Variants in COA5 observed in about 807,000 individuals in gnomAD.
COA5 encodes protein C2orf64.
COA5 carries 11 observed loss-of-function variants against 11.8 expected under a neutral mutation model. The ratio of observed to expected loss-of-function variants is 0.93; its 90% CI spans 0.59 to 1.54. The LOEUF (loss-of-function observed/expected upper bound fraction) is 1.54, where lower values mean the gene tolerates loss of function less well. COA5 is among the 40% of genes most tolerant of loss of function. The pLI, the probability that COA5 is intolerant of heterozygous loss-of-function variation, is 0.00. For missense variants in COA5, 87 were observed against 89.2 expected (o/e 0.97, Z 0.10); for synonymous variants, 38 against 37.5 (o/e 1.01, Z -0.05).
intron 1 of COA5, 122 bp from the exon 2 acceptor site, chr2:98,604,313 T>A: frequency 1.3e-6 from 1 of 783,672 alleles, no homozygotes; most frequent in Non-Finnish European, 2.2e-6. Flanking sequence ...GAAAGTTATG[T>A]AGGAAATAGT....
chr2:98,600,760 C>G lies in COA5; in HGVS notation c.217G>C (p.Gly73Arg). ...GGCTTCAACATAATGCATCAATATC[C>G]TTTTCTTCCTCTGAATCTTGCCCTG... ...DNRARFRGRKGY is the reference protein window; with the variant it reads ...DNRARFRGRKRY The change falls in exon 3 of 3, where the codon GGA becomes CGA. Residue 73 changes from glycine to arginine, a missense_variant. Coordinates refer to ENST00000328709, the MANE Select transcript of COA5 (RefSeq NM_001008215.3). 6.2e-7 allele frequency: 1 copy of G among 1,609,446 alleles called. No homozygotes were observed. The highest frequency in any genetic ancestry group is 8.5e-7 in the Non-Finnish European group (1 of 1,176,426).
chr2:98,603,107 G>A (rs1700664355), intron 2 of COA5, among the ~76,000 whole-genome samples: 1 of 152,198 alleles, frequency 6.6e-6, no homozygotes, highest in African/African-American at 2.4e-5. Context: ...ACCACTTGCA[G>A]GTCGTAAGTA....
rs1485218169 is a variant in COA5, at chr2:98,600,148, A to T, written c.*604T>A. ...GAAAATGTAACCAGGAAACAAAAAC[A>T]GTCCGAAGATGATGGTAAAGAGCCT... is the stretch of plus-strand genomic sequence containing the variant. On this transcript the variant is annotated 3_prime_UTR_variant, in exon 3 of 3. Coordinates refer to ENST00000328709, the MANE Select transcript of COA5 (RefSeq NM_001008215.3). 6.5e-6 allele frequency: 1 copy of T among 153,820 alleles called. No homozygotes were observed. Among genetic ancestry groups the T allele is most frequent in the African/African-American group, 2.4e-5 (1 of 41,484 alleles). 9.5% of individuals were successfully genotyped at this position (153,820 alleles called of 1,614,324 possible). A position where few individuals can be genotyped will look rare whatever the true frequency, so the allele number is the denominator to read the frequency against.
At chr2:98,607,644 G>C (rs1282373517) in intron 1 of COA5, among the ~76,000 whole-genome samples, 2 of 152,188 alleles carry the variant, frequency 1.3e-5, no homozygotes, top group Non-Finnish European at 2.9e-5. Flanking sequence ...TGCTTTACTT[G>C]AGCTCTAATC....
At chr2:98,603,859 T>C (rs1700676773) in intron 2 of COA5, among the ~76,000 whole-genome samples, 1 of 152,234 alleles carries the variant, frequency 6.6e-6, no homozygotes, top group South Asian at 2.1e-4. Context: ...GAGACTTCAT[T>C]CTCACACTTT....
intron 2 of COA5, among the ~76,000 whole-genome samples, chr2:98,603,025 A>C (rs974008738): frequency 3.3e-5 from 5 of 152,232 alleles, no homozygotes; most frequent in African/African-American, 9.6e-5. Context: ...GAGCAGGGCC[A>C]AATTTAATCT....
chr2:98,604,172 T>C lies in COA5; in HGVS notation c.119A>G (p.Gln40Arg). The change falls in exon 2 of 3, where the codon CAG becomes CGG. Residue 40 changes from glutamine to arginine, a missense_variant. Gln to Arg is a conservative substitution (Grantham distance 43). Coordinates refer to ENST00000328709, the MANE Select transcript of COA5 (RefSeq NM_001008215.3). Reference sequence around the variant, plus strand: ...GTTGCAGTATCCTTCCTTCAAACACTGCCGAGGTGATTTTCCTTCCTATGA... The same window carrying C: ...GTTGCAGTATCCTTCCTTCAAACACCGCCGAGGTGATTTTCCTTCCTATGA... ...CVVQEGKSPR[Q>R]CLKEGYCNSL... The C allele has an allele frequency of 6.2e-7, 1 of 1,613,802 alleles. No individual in the cohort carries two copies. Among genetic ancestry groups the C allele is most frequent in the Non-Finnish European group, 8.5e-7 (1 of 1,179,764 alleles).
chr2:98,605,273 C>G (rs989137978), intron 1 of COA5, among the ~76,000 whole-genome samples: 2 of 152,196 alleles, frequency 1.3e-5, no homozygotes, highest in South Asian at 2.1e-4. Context: ...AAGTTCTAGC[C>G]ACTGGAATGT....
intron 2 of COA5, 82 bp from the exon 3 acceptor site, chr2:98,600,875 C>T (rs1290417100): frequency 1.1e-6 from 1 of 886,444 alleles, no homozygotes; most frequent in Non-Finnish European, 1.8e-6. Flanking sequence ...GGTATCACCG[C>T]ATGAGAGAAA....
In COA5 at chr2:98,600,593, T is replaced by C; in HGVS notation, c.*159A>G. On this transcript the variant is annotated 3_prime_UTR_variant, in exon 3 of 3. Coordinates refer to ENST00000328709, the MANE Select transcript of COA5 (RefSeq NM_001008215.3). The stretch of plus-strand genomic sequence containing the variant: ...AAGAGAATCATTTACTTTATACATA[T>C]TCGAAAACAACTCATCCACTTTCTT... 1.5e-6 allele frequency: 1 copy of C among 672,096 alleles called. No homozygotes were observed. The highest frequency in any genetic ancestry group is 2.7e-5 in the East Asian group (1 of 36,518). 41.6% of individuals were successfully genotyped at this position (672,096 alleles called of 1,614,324 possible). A position where few individuals can be genotyped will look rare whatever the true frequency, so the allele number is the denominator to read the frequency against.
In COA5 at chr2:98,600,657, G is replaced by A. The variant is rs1700629030; in HGVS notation, c.*95C>T. ...AGGGGAAATCTGGTCCAACCAAACAGATGTAGTAAAAAGTATGTTTCCTGT... is the reference window on the plus strand; with the variant it reads ...AGGGGAAATCTGGTCCAACCAAACAAATGTAGTAAAAAGTATGTTTCCTGT... On this transcript the variant is annotated 3_prime_UTR_variant, in exon 3 of 3. Transcript: ENST00000328709. The A allele has an allele frequency of 6.6e-6, 7 of 1,062,430 alleles. No homozygotes were observed. The highest frequency in any genetic ancestry group is 5.1e-5 in the East Asian group (2 of 39,304). The allele number at this position is 1,062,430 out of a possible 1,614,324, so 65.8% of individuals were successfully genotyped here.
At chr2:98,605,026 AG>A in intron 1 of COA5, among the ~76,000 whole-genome samples, 1 of 152,378 alleles carries the variant, frequency 6.6e-6, no homozygotes, top group South Asian at 2.1e-4. Context: ...ATAGTTTATA[AG>A]CTGATGCCTC....
intron 1 of COA5, among the ~76,000 whole-genome samples, chr2:98,607,073 TCTC>T (rs1407339198): frequency 6.6e-6 from 1 of 152,222 alleles, no homozygotes; most frequent in Non-Finnish European, 1.5e-5. Context: ...AACGCATTTT[TCTC>T]CTCAAGATCT....
In COA5 at chr2:98,599,750, G is replaced by A. The variant is rs1700615181; in HGVS notation, c.*1002C>T. The A allele has an allele frequency of 6.6e-6, 1 of 152,240 alleles. No homozygotes were observed. The highest frequency in any genetic ancestry group is 2.1e-4 in the South Asian group (1 of 4,830). The allele number at this position is 152,240 out of a possible 1,614,324, so 9.4% of individuals were successfully genotyped here. A position where few individuals can be genotyped will look rare whatever the true frequency, so the allele number is the denominator to read the frequency against. On this transcript the variant is annotated 3_prime_UTR_variant, in exon 3 of 3. Transcript: ENST00000328709. ...ATTAAGTGATCAGAATAAAATTACT[G>A]TAAGGCTAATCTTCAACCACTTCAT...
intron 1 of COA5, chr2:98,604,428 A>T (rs929764621): frequency 6.0e-6 from 3 of 502,792 alleles, no homozygotes; most frequent in Non-Finnish European, 1.1e-5. Flanking sequence ...ACTGGTTTCT[A>T]TTGGATACTT....
At chr2:98,607,545 C>T (rs549915841) in intron 1 of COA5, among the ~76,000 whole-genome samples, 1 of 152,180 alleles carries the variant, frequency 6.6e-6, no homozygotes. Context: ...ATAACAGCAA[C>T]TTTCTGAAAC....
chr2:98,600,866 G>GGTGT, intron 2 of COA5, 73 bp from the exon 3 acceptor site: 5 of 948,540 alleles, frequency 5.3e-6, no homozygotes, highest in Non-Finnish European at 8.4e-6. Flanking sequence ...TTTGGTAAGG[G>GGTGT]TATCACCGCA....
At chr2:98,600,915 T>C in intron 2 of COA5, 122 bp from the exon 3 acceptor site, 1 of 712,224 alleles carries the variant, frequency 1.4e-6, no homozygotes, top group South Asian at 1.5e-5. Context: ...ATCAAAAAGG[T>C]GATGACATCA....
At chr2:98,603,074 A>G (rs929432604) in intron 2 of COA5, among the ~76,000 whole-genome samples, 2 of 152,198 alleles carry the variant, frequency 1.3e-5, no homozygotes, top group Non-Finnish European at 2.9e-5. Flanking sequence ...GCTGGCAAAC[A>G]TGCTCCAAGT....
Sources: allele counts gnomAD v4.1 joint callset (sites outside exome capture counted in the v4.1 genomes callset), GRCh38; gene constraint gnomAD v4.1.1; transcripts MANE v1.5; gene names NCBI Gene and HGNC (gene_info 2026-07-23, HGNC 2026-07-21).